The following RHD variants were observed in gnomAD, a reference collection of about 807,000 sequenced individuals.
The protein encoded by RHD is Rh blood group D antigen.
RHD carries 16 observed loss-of-function variants against 45.5 expected under a neutral mutation model. That is an observed-to-expected ratio of 0.35 (90% CI 0.24 to 0.53). The LOEUF (loss-of-function observed/expected upper bound fraction) is 0.53, where lower values mean the gene tolerates loss of function less well. Ranked by LOEUF, RHD falls within the 20% of genes least tolerant of loss-of-function variation. The pLI, the probability that RHD is intolerant of heterozygous loss-of-function variation, is 0.92. For missense variants in RHD, 306 were observed against 532.0 expected, an observed-to-expected ratio of 0.58 and a Z score of 4.18; for synonymous variants, 131 against 217.5, an observed-to-expected ratio of 0.60 and a Z score of 3.50.
At chr1:25,305,374 A>ATATT (rs34347122) in intron 6 of RHD, among the ~76,000 whole-genome samples, 1,173 of 106,776 alleles carry the variant, frequency 0.011, 120 homozygotes, top group African/African-American at 0.033. Context: ...AGGAGTCTGG[A>ATATT]TATTTATTTA....
rs1160217976 is a variant in RHD at position 25,316,385 on chromosome 1, C to T, written c.1074-615C>T. On this transcript the variant is annotated intron_variant, in intron 7 of 9. Coordinates refer to ENST00000328664, the MANE Select transcript of RHD (RefSeq NM_016124.6). ...CTGTAATCCCAGCACTTTGGGAGGC[C>T]GAGGCGGGCAGATCACTTGAGGTCA... Among the ~76,000 whole-genome samples, 6 of 129,020 alleles carry T rather than the reference C, an allele frequency of 4.7e-5. 1 individual carries two copies. The highest frequency in any genetic ancestry group is 9.1e-5 in the Non-Finnish European group (5 of 54,892). The allele number at this position is 129,020 out of a possible 152,430, so 84.6% of individuals were successfully genotyped here. A position where few individuals can be genotyped will look rare whatever the true frequency, so the allele number is the denominator to read the frequency against.
At chr1:25,311,752 C>T (rs1263801892) in intron 7 of RHD, among the ~76,000 whole-genome samples, 1 of 130,602 alleles carries the variant, frequency 7.7e-6, no homozygotes, top group Non-Finnish European at 1.8e-5. Flanking sequence ...CAGCATTCCT[C>T]AGCCATCCCA....
At chr1:25,275,965 G>A (rs1640925408) in intron 1 of RHD, among the ~76,000 whole-genome samples, 1 of 132,472 alleles carries the variant, frequency 7.5e-6, no homozygotes, top group Admixed American at 7.4e-5. Flanking sequence ...AGTTGGTTAA[G>A]CCATTACTTC....
Position 25,301,036 on chromosome 1 carries a change from G to A in RHD, c.577G>A (p.Glu193Lys), listed in dbSNP as rs1053352. Residue 193 changes from glutamate to lysine, a missense_variant, in exon 4 of 10, where the codon GAG becomes AAG. Glu to Lys is a moderately conservative substitution (Grantham distance 56). Transcript: ENST00000328664. Reference sequence around the variant, plus strand: ...CTGGTGCCTGCCAAAGCCTCTACCCGAGGGAACGGAGGATAAAGATCAGAC... The same window carrying A: ...CTGGTGCCTGCCAAAGCCTCTACCCAAGGGAACGGAGGATAAAGATCAGAC... The part of the protein sequence containing the change: ...VAWCLPKPLP[E>K]GTEDKDQTAT... The A allele has an allele frequency of 3.0e-5, 41 of 1,377,852 alleles. 10 individuals carry two copies. In the Middle Eastern group the frequency reaches 5.5e-4, roughly 18 times the overall value. The allele number at this position is 1,377,852 out of a possible 1,614,324, so 85.4% of individuals were successfully genotyped here.
At chr1:25,316,076 G>T (rs1557561144) in intron 7 of RHD, among the ~76,000 whole-genome samples, 1 of 131,134 alleles carries the variant, frequency 7.6e-6, no homozygotes, top group East Asian at 1.9e-4. Context: ...CTATCCGTGG[G>T]GCTGCAGTGA....
chr1:25,293,891 A>G lies in RHD; in HGVS notation c.486+3100A>G, dbSNP rs111359055. ...GAAATTAAAAGGCAAAAGCTGATAT[A>G]TCATGTTTAGTTATATTGTGAGTCT... On this transcript the variant is annotated intron_variant, in intron 3 of 9. Coordinates refer to ENST00000328664, the MANE Select transcript of RHD (RefSeq NM_016124.6). 9.0e-3 allele frequency among the ~76,000 whole-genome samples: 1,190 copies of G among 132,206 alleles called. 150 individuals are homozygous for G. The highest frequency in any genetic ancestry group is 0.029 in the African/African-American group (1,134 of 38,446). The allele number at this position is 132,206 out of a possible 152,430, so 86.7% of individuals were successfully genotyped here.
chr1:25,305,500 G>C (rs1643741261), intron 6 of RHD, among the ~76,000 whole-genome samples: 1 of 126,862 alleles, frequency 7.9e-6, no homozygotes, highest in African/African-American at 2.7e-5. Context: ...GGGTTCAAGT[G>C]ATTCTCCTAC....
rs528656461 is a variant in RHD at position 25,275,750 on chromosome 1, G to A, written c.148+3055G>A. Among the ~76,000 whole-genome samples, 4 of 132,588 alleles carry A rather than the reference G, an allele frequency of 3.0e-5. 1 individual carries two copies. The highest frequency in any genetic ancestry group is 7.1e-5 in the Non-Finnish European group (4 of 55,954). The allele number at this position is 132,588 out of a possible 152,430, so 87.0% of individuals were successfully genotyped here. A position where few individuals can be genotyped will look rare whatever the true frequency, so the allele number is the denominator to read the frequency against. On this transcript the variant is annotated intron_variant, in intron 1 of 9. Coordinates refer to ENST00000328664, the MANE Select transcript of RHD (RefSeq NM_016124.6). ...GGCAGGGTCCATTGCTACAGTTGAC[G>A]ATAGTGGATGAAAATTCACTCCTCA...
At chr1:25,286,148 T>G (rs1641966627) in intron 2 of RHD, among the ~76,000 whole-genome samples, 1 of 135,146 alleles carries the variant, frequency 7.4e-6, no homozygotes, top group Non-Finnish European at 1.8e-5. Context: ...TCTAGCCAGC[T>G]CCCGATTGGC....
intron 6 of RHD, chr1:25,304,274 T>A (rs1293868012): frequency 1.0e-5 from 1 of 100,460 alleles, no homozygotes; most frequent in East Asian, 2.1e-4. Context: ...AAGGCTGGAT[T>A]TGGATGAACA....
chr1:25,295,880 G>C (rs763902157), intron 3 of RHD, among the ~76,000 whole-genome samples: 17 of 39,588 alleles, frequency 4.3e-4, no homozygotes, highest in Admixed American at 9.8e-4. Context: ...TTTTTTTTTT[G>C]AGATGGAGTT....
intron 1 of RHD, among the ~76,000 whole-genome samples, chr1:25,282,721 T>C (rs1380969231): frequency 7.7e-6 from 1 of 130,628 alleles, no homozygotes; most frequent in African/African-American, 2.6e-5. Context: ...GGTCAGGAGT[T>C]CGAGACCAGC....
At position 25,303,247 on chromosome 1, in the gene RHD, C is replaced by T. The variant is rs1352669170; in HGVS notation, c.802-75C>T. The T allele has an allele frequency of 1.5e-5, 16 of 1,041,258 alleles. 3 individuals are homozygous for T. The East Asian group carries it at 2.6e-4, about 17-fold the overall frequency. The allele number at this position is 1,041,258 out of a possible 1,614,324, so 64.5% of individuals were successfully genotyped here. ...TGTTACAGGGTTGCCTTGTTCCCAGCGTGCTGGTCACTTGCAGCAAGATGG... is the reference window on the plus strand; with the variant it reads ...TGTTACAGGGTTGCCTTGTTCCCAGTGTGCTGGTCACTTGCAGCAAGATGG... On this transcript the variant is annotated intron_variant, in intron 5 of 9. Coordinates refer to ENST00000328664, the MANE Select transcript of RHD (RefSeq NM_016124.6).
chr1:25,275,048 G>C lies in RHD; in HGVS notation c.148+2353G>C, dbSNP rs1377405277. On this transcript the variant is annotated intron_variant, in intron 1 of 9. Coordinates refer to ENST00000328664, the MANE Select transcript of RHD (RefSeq NM_016124.6). ...TCATGCCTGTAATCCCAAACACTTT[G>C]GGAGACCAAGGCAGGCAGATCACCT... 1.5e-5 allele frequency among the ~76,000 whole-genome samples: 2 copies of C among 131,746 alleles called. 1 individual carries two copies. Among genetic ancestry groups the C allele is most frequent in the Non-Finnish European group, 3.6e-5 (2 of 55,586 alleles). The allele number at this position is 131,746 out of a possible 152,430, so 86.4% of individuals were successfully genotyped here.
Position 25,305,362 on chromosome 1 carries a change from T to G in RHD, c.940-1234T>G, listed in dbSNP as rs1189588654. Among the ~76,000 whole-genome samples the G allele has an allele frequency of 2.7e-5, 3 of 112,954 alleles. 1 individual carries two copies. The highest frequency in any genetic ancestry group is 6.3e-5 in the Non-Finnish European group (3 of 47,830). 74.1% of individuals were successfully genotyped at this position (112,954 alleles called of 152,430 possible). A position where few individuals can be genotyped will look rare whatever the true frequency, so the allele number is the denominator to read the frequency against. ...GCTCAGGCACACTTCCTGGGCTAGT[T>G]GAGGAGTCTGGATATTTATTTATTT... is the stretch of plus-strand genomic sequence containing the variant. On this transcript the variant is annotated intron_variant, in intron 6 of 9. Transcript: ENST00000328664.
chr1:25,292,725 G>C (rs1642622149), intron 3 of RHD, among the ~76,000 whole-genome samples: 1 of 126,868 alleles, frequency 7.9e-6, no homozygotes, highest in South Asian at 2.5e-4. Flanking sequence ...CTGAAGCTTA[G>C]TGGAAAGGTT....
rs1247374928 is a variant in RHD, at chr1:25,273,197, A to G, written c.148+502A>G. 4.7e-5 allele frequency among the ~76,000 whole-genome samples: 6 copies of G among 128,924 alleles called. 1 individual carries two copies. The highest frequency in any genetic ancestry group is 9.2e-5 in the Non-Finnish European group (5 of 54,612). 84.6% of individuals were successfully genotyped at this position (128,924 alleles called of 152,430 possible). ...GTTGCCCAGGCTGAAGTGCAGTGGC[A>G]TGATCATGGTTCACTGCAGCCTTGA... is the stretch of plus-strand genomic sequence containing the variant. On this transcript the variant is annotated intron_variant, in intron 1 of 9. Coordinates refer to ENST00000328664, the MANE Select transcript of RHD (RefSeq NM_016124.6).
Position 25,301,655 on chromosome 1 carries a change from C to T in RHD, c.770C>T (p.Ser257Phe), listed in dbSNP as rs1192006597. 18 of 1,380,102 alleles carry T rather than the reference C, an allele frequency of 1.3e-5. 5 individuals are homozygous for T. Among genetic ancestry groups the T allele is most frequent in the Non-Finnish European group, 1.8e-5 (18 of 979,140 alleles). The allele number at this position is 1,380,102 out of a possible 1,614,324, so 85.5% of individuals were successfully genotyped here. A position where few individuals can be genotyped will look rare whatever the true frequency, so the allele number is the denominator to read the frequency against. Residue 257 changes from serine to phenylalanine, a missense_variant, in exon 5 of 10, where the codon TCC becomes TTC. Ser to Phe is a radical substitution (Grantham distance 155, BLOSUM62 -2). Coordinates refer to ENST00000328664, the MANE Select transcript of RHD (RefSeq NM_016124.6). The part of the protein sequence containing the change: ...VSVVTAISGS[S>F]LAHPQGKISK... ...GTGGTGACAGCCATCTCAGGGTCAT[C>T]CTTGGCTCACCCCCAAGGGAAGATC...
chr1:25,311,658 A>G (rs1471789327), intron 7 of RHD, among the ~76,000 whole-genome samples: 1 of 129,930 alleles, frequency 7.7e-6, no homozygotes, highest in Non-Finnish European at 1.8e-5. Flanking sequence ...TTACTGGCCC[A>G]GAGCTCTAAG....
Sources: gnomAD v4.1 joint callset for allele counts (sites outside exome capture counted in the v4.1 genomes callset) on GRCh38, gnomAD v4.1.1 for gene constraint, MANE v1.5 for transcripts, NCBI Gene and HGNC (gene_info 2026-07-23, HGNC 2026-07-21) for gene names.